The following PDE11A variants were observed in gnomAD, a reference collection of about 807,000 sequenced individuals.
PDE11A encodes the protein phosphodiesterase 11A.
In PDE11A, 100 loss-of-function variants were observed where a neutral mutation model predicts 100.5. The ratio of observed to expected loss-of-function variants is 1.00; its 90% CI spans 0.85 to 1.18. The LOEUF (loss-of-function observed/expected upper bound fraction) is 1.18, where lower values mean the gene tolerates loss of function less well. Among genes scored for constraint, PDE11A ranks in the 50% most tolerant of loss-of-function variants. PDE11A has a pLI of 0.00. For missense variants in PDE11A, 1,141 were observed against 1,152.6 expected (o/e 0.99, Z 0.15); for synonymous variants, 381 against 420.8 (o/e 0.91, Z 1.16).
chr2:177,713,674 G>A (rs59710733), intron 12 of PDE11A, among the ~76,000 whole-genome samples: 35,683 of 151,886 alleles, frequency 0.23, 6,033 homozygotes, highest in African/African-American at 0.48. Context: ...CAGTGAGCCT[G>A]TATGGCACCA....
At chr2:177,854,859 G>A (rs771177332) in intron 5 of PDE11A, among the ~76,000 whole-genome samples, 2 of 152,050 alleles carry the variant, frequency 1.3e-5, no homozygotes, top group South Asian at 4.1e-4. Context: ...AGGTTATCTG[G>A]ATCACTTGCT....
intron 1 of PDE11A, among the ~76,000 whole-genome samples, chr2:178,105,472 A>AAAAAC (rs2087607453): frequency 6.6e-6 from 1 of 152,194 alleles, no homozygotes; most frequent in African/African-American, 2.4e-5. Flanking sequence ...AAACAAAAAC[A>AAAAAC]AAAACAAAAA....
intron 2 of PDE11A, among the ~76,000 whole-genome samples, chr2:178,007,801 T>G (rs569648955): frequency 1.3e-5 from 2 of 151,950 alleles, no homozygotes; most frequent in East Asian, 3.9e-4. Context: ...GCCTCCCGGG[T>G]TCAAGCAATT....
chr2:177,844,506 T>C (rs1328469328), intron 5 of PDE11A, among the ~76,000 whole-genome samples: 2 of 151,590 alleles, frequency 1.3e-5, no homozygotes, highest in Non-Finnish European at 2.9e-5. Context: ...ACCAGCTCAA[T>C]TTTGGAATTC....
At chr2:177,971,157 A>G (rs1299840063) in intron 2 of PDE11A, among the ~76,000 whole-genome samples, 4 of 152,112 alleles carry the variant, frequency 2.6e-5, no homozygotes, top group Admixed American at 1.3e-4. Context: ...GTATAGAAAA[A>G]CCACTCATTA....
intron 1 of PDE11A, among the ~76,000 whole-genome samples, chr2:178,023,982 C>A (rs546341888): frequency 2.6e-5 from 4 of 152,140 alleles, no homozygotes; most frequent in African/African-American, 9.7e-5. Context: ...CACCTGGGAC[C>A]TTTAGGAAAG....
chr2:177,844,738 C>T (rs930112883), intron 5 of PDE11A, among the ~76,000 whole-genome samples: 51 of 151,008 alleles, frequency 3.4e-4, no homozygotes, highest in Non-Finnish European at 7.0e-4. Flanking sequence ...GTGGTGATGA[C>T]TCTTAACGAG....
intron 2 of PDE11A, chr2:177,997,256 C>G (rs560830125): frequency 8.2e-7 from 1 of 1,226,900 alleles, no homozygotes; most frequent in South Asian, 1.2e-5. Context: ...CCTCTACTTT[C>G]CCTGAAGGCT....
At chr2:177,860,358 G>A (rs1390584747) in intron 5 of PDE11A, among the ~76,000 whole-genome samples, 8 of 151,664 alleles carry the variant, frequency 5.3e-5, no homozygotes, top group Non-Finnish European at 3.0e-5. Flanking sequence ...AACAATTATA[G>A]ACCATATGTT....
chr2:178,076,013 C>T (rs1241847351), upstream of PDE11A, among the ~76,000 whole-genome samples: 2 of 152,176 alleles, frequency 1.3e-5, no homozygotes, highest in Non-Finnish European at 2.9e-5. Context: ...TCCATGACAA[C>T]ATTTGCAGTC....
intron 4 of PDE11A, among the ~76,000 whole-genome samples, chr2:177,883,133 G>T (rs907229513): frequency 6.6e-6 from 1 of 151,972 alleles, no homozygotes; most frequent in Non-Finnish European, 1.5e-5. Context: ...GCCACGCATG[G>T]TGGCATGCAC....
chr2:177,709,537 G>A (rs1470126338), intron 13 of PDE11A, among the ~76,000 whole-genome samples: 1 of 152,180 alleles, frequency 6.6e-6, no homozygotes, highest in African/African-American at 2.4e-5. Context: ...CTCAAGCAAT[G>A]GAATAAGTGC....
intron 5 of PDE11A, among the ~76,000 whole-genome samples, chr2:177,870,890 C>T (rs2084119727): frequency 6.6e-6 from 1 of 152,138 alleles, no homozygotes; most frequent in Admixed American, 6.5e-5. Context: ...GAAGCAAATA[C>T]CTGTATTCTC....
chr2:178,055,223 CATT>C (rs910541447), intron 1 of PDE11A, among the ~76,000 whole-genome samples: 11 of 152,082 alleles, frequency 7.2e-5, no homozygotes, highest in Non-Finnish European at 1.2e-4. Flanking sequence ...TGGAAACCAT[CATT>C]GTGAGCAAAC....
chr2:177,786,472 G>C (rs1348012070), intron 9 of PDE11A, among the ~76,000 whole-genome samples: 1 of 152,060 alleles, frequency 6.6e-6, no homozygotes, highest in Non-Finnish European at 1.5e-5. Flanking sequence ...ACTCTAAAAA[G>C]CAGAGCGCCT....
intron 1 of PDE11A, among the ~76,000 whole-genome samples, chr2:178,068,272 T>G (rs2087076127): frequency 6.6e-6 from 1 of 152,134 alleles, no homozygotes; most frequent in African/African-American, 2.4e-5. Context: ...TTTCCTAATT[T>G]CAAGTCTGTC....
chr2:177,989,933 A>T (rs2085982999), intron 2 of PDE11A, among the ~76,000 whole-genome samples: 1 of 152,232 alleles, frequency 6.6e-6, no homozygotes, highest in African/African-American at 2.4e-5. Flanking sequence ...ATTTTCCATC[A>T]GATGCCTCAA....
chr2:177,776,030 A>C (rs1438042), intron 9 of PDE11A, among the ~76,000 whole-genome samples: 49,952 of 152,038 alleles, frequency 0.33, 8,555 homozygotes, highest in African/African-American at 0.38. Flanking sequence ...AAAAATAAAA[A>C]CATTTTAAAA....
At chr2:177,830,266 T>C (rs958093924) in intron 6 of PDE11A, among the ~76,000 whole-genome samples, 3 of 152,192 alleles carry the variant, frequency 2.0e-5, no homozygotes, top group Admixed American at 6.5e-5. Flanking sequence ...AGCAATGCCA[T>C]GCCCAGACTT....
Sources: allele counts gnomAD v4.1 joint callset (sites outside exome capture counted in the v4.1 genomes callset), GRCh38; gene constraint gnomAD v4.1.1; transcripts MANE v1.5; gene names NCBI Gene and HGNC (gene_info 2026-07-23, HGNC 2026-07-21).